Variants in ADGRB3 observed in about 807,000 individuals in gnomAD.
The protein encoded by ADGRB3 is adhesion G protein-coupled receptor B3, also known as brain-specific angiogenesis inhibitor 3.
In ADGRB3, 37 loss-of-function variants were observed where a neutral mutation model predicts 193.4. The ratio of observed to expected loss-of-function variants is 0.19; its 90% confidence interval spans 0.15 to 0.25. ADGRB3 has a LOEUF of 0.25. Among genes scored for constraint, ADGRB3 ranks in the 10% least tolerant of loss-of-function variants. ADGRB3 has a pLI of 1.00. For missense variants in ADGRB3, 1,637 were observed against 1,852.9 expected (o/e 0.88, Z 2.14); for synonymous variants, 690 against 644.2 (o/e 1.07, Z -1.08).
chr6:69,261,544 TTGATA>T (rs1766929193), intron 20 of ADGRB3, among the ~76,000 whole-genome samples: 2 of 152,122 alleles, frequency 1.3e-5, no homozygotes, highest in Admixed American at 1.3e-4. Flanking sequence ...ATTCAAGTGT[TTGATA>T]TGACATTTTT....
chr6:68,946,711 G>A (rs1767784269), intron 6 of ADGRB3, among the ~76,000 whole-genome samples: 1 of 152,114 alleles, frequency 6.6e-6, no homozygotes, highest in Admixed American at 6.6e-5. Context: ...TACTTTTGCA[G>A]GATTTGACGG....
intron 28 of ADGRB3, among the ~76,000 whole-genome samples, chr6:69,358,675 T>C (rs931236865): frequency 6.6e-6 from 1 of 151,914 alleles, no homozygotes; most frequent in Non-Finnish European, 1.5e-5. Flanking sequence ...AGCATTTCCA[T>C]CTGATCATGC....
chr6:68,697,478 C>A (rs1363472268), intron 3 of ADGRB3, among the ~76,000 whole-genome samples: 2 of 151,872 alleles, frequency 1.3e-5, no homozygotes, highest in Admixed American at 6.6e-5. Context: ...TTTGTTCTCT[C>A]TTCTATTGCA....
chr6:69,170,745 A>G (rs73467776), intron 17 of ADGRB3, among the ~76,000 whole-genome samples: 3,294 of 152,292 alleles, frequency 0.022, 121 homozygotes, highest in African/African-American at 0.07. Context: ...AATCATAGTA[A>G]GTCTTTCTTG....
chr6:69,018,409 G>C lies in ADGRB3; in HGVS notation c.2017G>C (p.Glu673Gln), dbSNP rs1258883783. 1 of 1,603,222 alleles carries C rather than the reference G, an allele frequency of 6.2e-7. No homozygotes were observed. The highest frequency in any genetic ancestry group is 1.3e-5 in the African/African-American group (1 of 74,582). ...DAQQIYPGSI[E>Q]LMQVIEDFIH... ...TTTCTAGATTTATCCAGGGTCAATA[G>C]AGTTAATGCAGGTGATTGAAGATTT... is the stretch of plus-strand genomic sequence containing the variant. Residue 673 changes from glutamate (E) to glutamine (Q), a missense_variant, in exon 13 of 32, where the codon GAG (glutamate) becomes CAG (glutamine). Physicochemically the swap from Glu to Gln is conservative, Grantham distance 29. This residue lies in a region of ADGRB3 where 641 missense variants were observed against 673.9 expected (regional missense o/e 0.95). Coordinates refer to ENST00000370598, the MANE Select transcript of ADGRB3 (RefSeq NM_001704.3).
chr6:68,685,923 A>G (rs533124419), intron 3 of ADGRB3, among the ~76,000 whole-genome samples: 2 of 152,078 alleles, frequency 1.3e-5, no homozygotes, highest in Admixed American at 6.6e-5. Context: ...TTCTCAACAT[A>G]AGCTTCCTAA....
At chr6:68,972,897 A>G (rs1186818233) in intron 8 of ADGRB3, among the ~76,000 whole-genome samples, 1 of 152,148 alleles carries the variant, frequency 6.6e-6, no homozygotes, top group Non-Finnish European at 1.5e-5. Context: ...AAGTCAAAAT[A>G]TAGTGGTACA....
intron 13 of ADGRB3, among the ~76,000 whole-genome samples, chr6:69,040,307 CTCTTTCTTTCTTTCTTTCTT>C (rs58811960): frequency 2.3e-4 from 22 of 94,754 alleles, no homozygotes; most frequent in South Asian, 3.9e-4. Context: ...CTTTCTCTGT[CTCTTTCTTTCTTTCTTTCTT>C]TCTTTCTTTC....
chr6:68,667,206 T>C (rs117890883), intron 3 of ADGRB3, among the ~76,000 whole-genome samples: 3,395 of 151,986 alleles, frequency 0.022, 65 homozygotes, highest in South Asian at 0.074. Context: ...ATCATAATTG[T>C]AGAATGATTA....
At position 68,650,216 on chromosome 6, in the gene ADGRB3, G is replaced by A. The variant is rs189494934; in HGVS notation, c.757+10784G>A. 2.2e-4 allele frequency among the ~76,000 whole-genome samples: 33 copies of A among 152,216 alleles called. 1 individual carries two copies. The East Asian group carries it at 5.8e-3, about 27-fold the overall frequency. On this transcript the variant is annotated intron_variant, in intron 3 of 31. Transcript: ENST00000370598. ...TTTGCAGATGGGCGCACAGAGTAGC[G>A]CAAGTGTACAGAGAAATAAATAACA... is the stretch of plus-strand genomic sequence containing the variant.
At chr6:68,711,129 A>G (rs905186578) in intron 3 of ADGRB3, among the ~76,000 whole-genome samples, 2 of 152,080 alleles carry the variant, frequency 1.3e-5, no homozygotes, top group East Asian at 1.9e-4. Context: ...CTGCATCCTC[A>G]TGGAACGAGG....
intron 17 of ADGRB3, among the ~76,000 whole-genome samples, chr6:69,151,113 G>C (rs888858515): frequency 6.6e-6 from 1 of 152,188 alleles, no homozygotes; most frequent in African/African-American, 2.4e-5. Flanking sequence ...GCCCCAGCTG[G>C]TGTCTCACCA....
At chr6:68,735,168 A>G (rs1401992230) in intron 3 of ADGRB3, among the ~76,000 whole-genome samples, 4 of 152,128 alleles carry the variant, frequency 2.6e-5, no homozygotes, top group South Asian at 4.1e-4. Context: ...TTAGGAGTCA[A>G]TGACATAAGC....
chr6:69,092,022 A>G (rs1772724792), intron 17 of ADGRB3, among the ~76,000 whole-genome samples: 1 of 152,064 alleles, frequency 6.6e-6, no homozygotes. Flanking sequence ...TGAGCCCTAG[A>G]TTTCCATTTT....
chr6:68,920,617 G>A (rs147216618), intron 3 of ADGRB3, among the ~76,000 whole-genome samples: 204 of 150,542 alleles, frequency 1.4e-3, no homozygotes, highest in African/African-American at 4.9e-3. Flanking sequence ...CGAGTGAGTA[G>A]AGAAGTATCT....
At chr6:69,365,838 A>G (rs1019566941) in intron 29 of ADGRB3, among the ~76,000 whole-genome samples, 1 of 152,096 alleles carries the variant, frequency 6.6e-6, no homozygotes, top group African/African-American at 2.4e-5. Context: ...ATAATATCAC[A>G]TTACAGGTGC....
At chr6:69,070,942 C>T (rs1582438893) in intron 16 of ADGRB3, among the ~76,000 whole-genome samples, 1 of 152,172 alleles carries the variant, frequency 6.6e-6, no homozygotes, top group South Asian at 2.1e-4. Flanking sequence ...GATAATCTTG[C>T]TGATGAAGCT....
At chr6:69,115,338 A>G (rs1773498909) in intron 17 of ADGRB3, among the ~76,000 whole-genome samples, 1 of 152,144 alleles carries the variant, frequency 6.6e-6, no homozygotes, top group Non-Finnish European at 1.5e-5. Context: ...AGCAAACTAA[A>G]ACAAGAACAG....
chr6:69,279,346 C>T (rs1270400651), intron 20 of ADGRB3, among the ~76,000 whole-genome samples: 1 of 151,742 alleles, frequency 6.6e-6, no homozygotes, highest in Non-Finnish European at 1.5e-5. Context: ...TGACTGGAAG[C>T]TGCAGCTCAC....
Sources: allele counts gnomAD v4.1 joint callset (sites outside exome capture counted in the v4.1 genomes callset), GRCh38; gene constraint gnomAD v4.1.1; regional missense constraint gnomAD v4.1.1; transcripts MANE v1.5; gene names NCBI Gene and HGNC (gene_info 2026-07-23, HGNC 2026-07-21).